The following ADAMTSL1 variants were observed in gnomAD, a reference collection of about 807,000 sequenced individuals.
ADAMTSL1 encodes the protein ADAMTS like 1.
ADAMTSL1 carries 126 observed loss-of-function variants against 201.8 expected under a neutral mutation model. That is an observed-to-expected ratio of 0.62 (90% confidence interval 0.54 to 0.72). The LOEUF (loss-of-function observed/expected upper bound fraction) is 0.72. ADAMTSL1 is among the 30% of genes least tolerant of loss of function. The pLI, the probability that ADAMTSL1 is intolerant of heterozygous loss-of-function variation, is 0.00. For synonymous variants in ADAMTSL1, 1,121 were observed against 903.4 expected, an observed-to-expected ratio of 1.24 and a Z score of -4.32; for missense variants, 2,679 against 2,277.8, an observed-to-expected ratio of 1.18 and a Z score of -3.59.
chr9:17,947,343 A>C (rs201241596), intron 1 of ADAMTSL1, among the ~76,000 whole-genome samples: 1 of 146,916 alleles, frequency 6.8e-6, no homozygotes, highest in Non-Finnish European at 1.5e-5. Flanking sequence ...ACACACACAC[A>C]CACCCCACTA....
chr9:18,646,790 C>G (rs1271758637), intron 7 of ADAMTSL1, among the ~76,000 whole-genome samples: 1 of 152,058 alleles, frequency 6.6e-6, no homozygotes, highest in Non-Finnish European at 1.5e-5. Flanking sequence ...ATTCGGTTTG[C>G]CAGTATTTTA....
At chr9:18,191,342 C>A (rs982829882) in intron 2 of ADAMTSL1, among the ~76,000 whole-genome samples, 1 of 152,134 alleles carries the variant, frequency 6.6e-6, no homozygotes, top group African/African-American at 2.4e-5. Context: ...CACCCTCAAC[C>A]CTTGAGACTG....
intron 2 of ADAMTSL1, among the ~76,000 whole-genome samples, chr9:18,511,995 A>G (rs1202658942): frequency 6.6e-6 from 1 of 152,246 alleles, no homozygotes; most frequent in East Asian, 1.9e-4. Flanking sequence ...ATATGTTATC[A>G]CCCTTGTTTT....
intron 1 of ADAMTSL1, among the ~76,000 whole-genome samples, chr9:18,097,655 A>G (rs1824313931): frequency 6.6e-6 from 1 of 152,094 alleles, no homozygotes; most frequent in South Asian, 2.1e-4. Context: ...GTCTCTCATT[A>G]TGGTTCTAGT....
At chr9:18,548,829 A>C (rs1341779874) in intron 3 of ADAMTSL1, among the ~76,000 whole-genome samples, 1 of 152,076 alleles carries the variant, frequency 6.6e-6, no homozygotes, top group Non-Finnish European at 1.5e-5. Flanking sequence ...ATAAATTATT[A>C]GAAATTTGCA....
chr9:18,031,941 G>T (rs1229940788), intron 1 of ADAMTSL1, among the ~76,000 whole-genome samples: 1 of 152,180 alleles, frequency 6.6e-6, no homozygotes, highest in East Asian at 1.9e-4. Context: ...ATGTGAAATT[G>T]GTATGGTGCC....
intron 19 of ADAMTSL1, among the ~76,000 whole-genome samples, chr9:18,788,701 T>C (rs1175890079): frequency 1.3e-5 from 2 of 152,126 alleles, no homozygotes; most frequent in East Asian, 1.9e-4. Context: ...AGCAGAAAAA[T>C]ACCCATTTTA....
chr9:18,515,887 A>G (rs930188138), intron 2 of ADAMTSL1, among the ~76,000 whole-genome samples: 15 of 152,154 alleles, frequency 9.9e-5, no homozygotes, highest in African/African-American at 2.4e-4. Context: ...TAAGCCTACA[A>G]ACATGATCCT....
At chr9:18,631,960 G>A (rs542621379) in intron 5 of ADAMTSL1, among the ~76,000 whole-genome samples, 2 of 152,242 alleles carry the variant, frequency 1.3e-5, no homozygotes, top group South Asian at 4.1e-4. Flanking sequence ...CTGGCATCAT[G>A]GTTCAGTCAA....
chr9:18,082,488 T>C (rs1823545668), intron 1 of ADAMTSL1, among the ~76,000 whole-genome samples: 1 of 152,142 alleles, frequency 6.6e-6, no homozygotes, highest in Non-Finnish European at 1.5e-5. Flanking sequence ...GTTTGTGTAT[T>C]TTTAGTAAAG....
intron 7 of ADAMTSL1, among the ~76,000 whole-genome samples, chr9:18,645,097 G>A (rs1268027818): frequency 1.4e-4 from 21 of 152,068 alleles, no homozygotes; most frequent in Admixed American, 1.3e-3. Context: ...GTGTGAGATG[G>A]TATCTCATTG....
At position 18,833,624 on chromosome 9, in the gene ADAMTSL1, A is replaced by C. The variant is rs529888509; in HGVS notation, c.4249+3647A>C. ...TTTGTCAGATGTATACTTTGCAAAA[A>C]TTTTCTCCCATTCTGTAGGTTGTGT... On this transcript the variant is annotated intron_variant, in intron 23 of 28. Transcript: ENST00000380548. Among the ~76,000 whole-genome samples the C allele has an allele frequency of 5.9e-5, 9 of 151,572 alleles. No homozygotes were observed. The South Asian group carries it at 1.7e-3, about 28-fold the overall frequency.
chr9:18,593,411 C>T (rs536144785), intron 4 of ADAMTSL1, among the ~76,000 whole-genome samples: 14 of 151,896 alleles, frequency 9.2e-5, no homozygotes, highest in Non-Finnish European at 1.9e-4. Flanking sequence ...TCATTTATTT[C>T]TGCTCTGATC....
rs138995757 is a variant in ADAMTSL1, at chr9:17,942,647, C to T, written c.87+35725C>T. ...AATACCAACCTGCCAACTGTCACCC[C>T]TTACACATGCTCTGAAACTCATGTG... On this transcript the variant is annotated intron_variant, in intron 1 of 29. Transcript: ENST00000680146. Among the ~76,000 whole-genome samples the T allele has an allele frequency of 8.3e-3, 1,261 of 152,248 alleles. 4 individuals carry two copies. Among genetic ancestry groups the T allele is most frequent in the South Asian group, 0.015 (72 of 4,820 alleles).
At position 18,254,271 on chromosome 9, in the gene ADAMTSL1, A is replaced by T. The variant is rs778228857; in HGVS notation, c.207+90290A>T. On this transcript the variant is annotated intron_variant, in intron 2 of 29. Transcript: ENST00000680146. ...ATTATTTGAGGGCTAACATTTACGGACGGGTGGCCACGTTTTCTTTTCATA... is the reference window on the plus strand; with the variant it reads ...ATTATTTGAGGGCTAACATTTACGGTCGGGTGGCCACGTTTTCTTTTCATA... 6.5e-4 allele frequency among the ~76,000 whole-genome samples: 94 copies of T among 145,354 alleles called. 1 individual carries two copies. Among genetic ancestry groups the T allele is most frequent in the Non-Finnish European group, 1.0e-3 (70 of 66,742 alleles).
chr9:18,294,433 C>G (rs1230315111), intron 2 of ADAMTSL1, among the ~76,000 whole-genome samples: 2 of 152,192 alleles, frequency 1.3e-5, no homozygotes, highest in Non-Finnish European at 2.9e-5. Context: ...CAAAATCTTG[C>G]CCAGGTTCTG....
chr9:18,723,023 G>A (rs766438984), intron 15 of ADAMTSL1: 1 of 779,816 alleles, frequency 1.3e-6, no homozygotes, highest in South Asian at 1.3e-5. Context: ...GGAAGAAGCA[G>A]TATCGACTCA....
At chr9:18,877,660 G>A (rs1228025681) in intron 23 of ADAMTSL1, among the ~76,000 whole-genome samples, 1 of 152,078 alleles carries the variant, frequency 6.6e-6, no homozygotes, top group African/African-American at 2.4e-5. Context: ...ACTCTGTGAG[G>A]GTCCTTGGTT....
intron 2 of ADAMTSL1, among the ~76,000 whole-genome samples, chr9:18,236,971 G>A (rs1399114224): frequency 6.6e-6 from 1 of 152,136 alleles, no homozygotes; most frequent in African/African-American, 2.4e-5. Context: ...ATCAATGTAA[G>A]GGGCAGAATC....
Sources: allele counts gnomAD v4.1 joint callset (sites outside exome capture counted in the v4.1 genomes callset), GRCh38; gene constraint gnomAD v4.1.1; transcripts MANE v1.5; gene names NCBI Gene and HGNC (gene_info 2026-07-23, HGNC 2026-07-21).